Variants in SEC14L6 observed in about 807,000 individuals in gnomAD.
SEC14L6 encodes the protein SEC14-like protein 6.
SEC14L6 carries 40 observed loss-of-function variants against 54.1 expected under a neutral mutation model. That is an observed-to-expected ratio of 0.74 (90% CI 0.57 to 0.96). SEC14L6 has a LOEUF of 0.96. Ranked by LOEUF, SEC14L6 falls within the 40% of genes least tolerant of loss-of-function variation. The pLI is 0.00. For synonymous variants in SEC14L6, 171 were observed against 198.4 expected (o/e 0.86, Z 1.16); for missense variants, 471 against 498.3 (o/e 0.95, Z 0.52).
chr22:30,537,571 G>A (rs954602231), intron 2 of SEC14L6, among the ~76,000 whole-genome samples: 1 of 152,200 alleles, frequency 6.6e-6, no homozygotes, highest in Non-Finnish European at 1.5e-5. Context: ...GTGAGCTGAT[G>A]TCAGCCTGGG....
intron 6 of SEC14L6, among the ~76,000 whole-genome samples, chr22:30,529,709 G>T (rs1936906240): frequency 6.6e-6 from 1 of 152,224 alleles, no homozygotes; most frequent in African/African-American, 2.4e-5. Context: ...CTCCCAAGGT[G>T]CTGGGATTAC....
rs1185134780 is a variant in SEC14L6, at chr22:30,524,177, A to T, written c.*820T>A. ...TCCTTCCTGCAGAAACCATCATAAA[A>T]GTAAAGTTGCTTTGTCCAGAGTTTT... is the stretch of plus-strand genomic sequence containing the variant. On this transcript the variant is annotated 3_prime_UTR_variant, in exon 12 of 12. Coordinates refer to ENST00000402034, the MANE Select transcript of SEC14L6 (RefSeq NM_001193336.4). 1 of 152,186 alleles carries T rather than the reference A, an allele frequency of 6.6e-6. No individual in the cohort carries two copies. The highest frequency in any genetic ancestry group is 2.4e-5 in the African/African-American group (1 of 41,446). The allele number at this position is 152,186 out of a possible 1,614,324, so 9.4% of individuals were successfully genotyped here. A position where few individuals can be genotyped will look rare whatever the true frequency, so the allele number is the denominator to read the frequency against.
Position 30,532,492 on chromosome 22 carries a change from C to T in SEC14L6, c.423+33G>A, listed in dbSNP as rs565164447. ...GCTCAGGGGGTGAGGGTGCTGTGTC[C>T]GGCTGCAGCTGCCCAGGGTGGCACC... On this transcript the variant is annotated intron_variant, in intron 5 of 11. Coordinates refer to ENST00000402034, the MANE Select transcript of SEC14L6 (RefSeq NM_001193336.4). 3.6e-5 allele frequency: 55 copies of T among 1,522,176 alleles called. No homozygotes were observed. In the Middle Eastern group the frequency reaches 6.9e-4, roughly 19 times the overall value. The allele number at this position is 1,522,176 out of a possible 1,614,324, so 94.3% of individuals were successfully genotyped here. A position where few individuals can be genotyped will look rare whatever the true frequency, so the allele number is the denominator to read the frequency against.
chr22:30,529,278 G>C lies in SEC14L6; in HGVS notation c.580+11C>G. ...CCCCAACTCATGCATATCCTGGGCTGCTTTACTCACCTCTCACAACAATTA... is the reference window on the plus strand; with the variant it reads ...CCCCAACTCATGCATATCCTGGGCTCCTTTACTCACCTCTCACAACAATTA... On this transcript the variant is annotated intron_variant, in intron 7 of 11. Transcript: ENST00000402034. 6.5e-7 allele frequency: 1 copy of C among 1,550,162 alleles called. No homozygotes were observed. The highest frequency in any genetic ancestry group is 8.7e-7 in the Non-Finnish European group (1 of 1,146,606).
At chr22:30,544,172 C>G in intron 1 of SEC14L6, 1 of 954,762 alleles carries the variant, frequency 1.0e-6, no homozygotes, top group Non-Finnish European at 1.6e-6. Context: ...AGCCCAGTTC[C>G]CGGAGGGCTG....
At chr22:30,544,137 A>G (rs2146306210) in intron 1 of SEC14L6, 1 of 1,228,766 alleles carries the variant, frequency 8.1e-7, no homozygotes, top group Admixed American at 1.9e-5. Context: ...TTGTCCCACA[A>G]GGAGCCGCCA....
In SEC14L6 at chr22:30,546,673, G is replaced by C; in HGVS notation, c.10C>G (p.Gln4Glu). MSG[Q>E]VGDLSPSQEK... ...TGCGATGGGCTCAGGTCACCCACTT[G>C]TCCACTCATGCTGCCCATGAATGGG... Residue 4 changes from glutamine (Q) to glutamate (E), a missense_variant, in exon 1 of 12, where the codon CAA becomes GAA. Coordinates refer to ENST00000402034, the MANE Select transcript of SEC14L6 (RefSeq NM_001193336.4). The C allele has an allele frequency of 6.4e-7, 1 of 1,550,464 alleles. No individual in the cohort carries two copies. Among genetic ancestry groups the C allele is most frequent in the Non-Finnish European group, 8.7e-7 (1 of 1,146,958 alleles).
chr22:30,534,109 G>T, intron 2 of SEC14L6, 70 bp from the exon 3 acceptor site: 1 of 1,451,562 alleles, frequency 6.9e-7, no homozygotes. Context: ...AGAGACAACG[G>T]CCCTGCCCCA....
In SEC14L6 at chr22:30,524,782, G is replaced by C; in HGVS notation, c.*215C>G. 1.9e-6 allele frequency: 1 copy of C among 514,172 alleles called. No homozygotes were observed. 31.9% of individuals were successfully genotyped at this position (514,172 alleles called of 1,614,324 possible). A position where few individuals can be genotyped will look rare whatever the true frequency, so the allele number is the denominator to read the frequency against. ...GTCACAGCAGGTCATAGTGGGGATGGAGTGTCTGTGTTGCTTTGCTGTGAC... is the reference window on the plus strand; with the variant it reads ...GTCACAGCAGGTCATAGTGGGGATGCAGTGTCTGTGTTGCTTTGCTGTGAC... On this transcript the variant is annotated 3_prime_UTR_variant, in exon 12 of 12. Transcript: ENST00000402034.
chr22:30,525,107 C>A lies in SEC14L6; in HGVS notation c.1084G>T (p.Val362Phe), dbSNP rs866036817. 43 of 1,524,308 alleles carry A rather than the reference C, an allele frequency of 2.8e-5. No individual in the cohort carries two copies. Among genetic ancestry groups the A allele is most frequent in the Middle Eastern group, 3.4e-4 (2 of 5,944 alleles). 94.4% of individuals were successfully genotyped at this position (1,524,308 alleles called of 1,614,324 possible). Residue 362 changes from valine to phenylalanine, a missense_variant and splice_region_variant, in exon 12 of 12, where the codon GTC (valine) becomes TTC (phenylalanine). Coordinates refer to ENST00000402034, the MANE Select transcript of SEC14L6 (RefSeq NM_001193336.4). ...ILTCLQAGSY[V>F]LRFYNTYSLV... ...CTGTAGGTGTTGTAAAACCTCAGGA[C>A]ATCTGCAGTGAGGGACAGACATTCA...
rs780656771 is a variant in SEC14L6, at chr22:30,546,651, G to A, written c.32C>T (p.Ser11Leu). The A allele has an allele frequency of 1.6e-5, 25 of 1,550,440 alleles. No homozygotes were observed. The highest frequency in any genetic ancestry group is 3.6e-5 in the South Asian group (3 of 84,054). ...CACCTGGGCCAGCGACTTCTCCTGC[G>A]ATGGGCTCAGGTCACCCACTTGTCC... Reference protein sequence around the residue: MSGQVGDLSPSQEKSLAQFRE... With the variant: MSGQVGDLSPLQEKSLAQFRE... Residue 11 changes from serine (S) to leucine (L), a missense_variant, in exon 1 of 12, where the codon TCG becomes TTG. Ser to Leu is a moderately radical substitution (Grantham distance 145). Coordinates refer to ENST00000402034, the MANE Select transcript of SEC14L6 (RefSeq NM_001193336.4).
chr22:30,525,437 C>T lies in SEC14L6; in HGVS notation c.994G>A (p.Glu332Lys). 1 of 1,614,204 alleles carries T rather than the reference C, an allele frequency of 6.2e-7. No homozygotes were observed. The highest frequency in any genetic ancestry group is 8.5e-7 in the Non-Finnish European group (1 of 1,180,032). The change falls in exon 11 of 12, where the codon GAG becomes AAG. Residue 332 changes from glutamate (E) to lysine (K), a missense_variant. Coordinates refer to ENST00000402034, the MANE Select transcript of SEC14L6 (RefSeq NM_001193336.4). ...TGGCTGGGCAGCACCTCTGTCATCT[C>T]CCTAGCCCTCTGCCGCTCCCCCATC... ...TKMGERQRAR[E>K]MTEVLPSQRY...
intron 6 of SEC14L6, among the ~76,000 whole-genome samples, chr22:30,529,993 T>G (rs1936916375): frequency 6.6e-6 from 1 of 152,188 alleles, no homozygotes; most frequent in Non-Finnish European, 1.5e-5. Context: ...AGTAAAACAT[T>G]CTTGCCAAGA....
At chr22:30,531,326 G>A (rs979865435) in intron 6 of SEC14L6, among the ~76,000 whole-genome samples, 6 of 151,862 alleles carry the variant, frequency 4.0e-5, no homozygotes, top group African/African-American at 1.5e-4. Context: ...AGAGTTGCTT[G>A]AACCTGGCAG....
Position 30,522,891 on chromosome 22 carries a change from C to T in SEC14L6, c.*2106G>A, listed in dbSNP as rs190480130. 6.6e-6 allele frequency: 1 copy of T among 152,188 alleles called. No individual in the cohort carries two copies. The highest frequency in any genetic ancestry group is 1.5e-5 in the Non-Finnish European group (1 of 68,038). 9.4% of individuals were successfully genotyped at this position (152,188 alleles called of 1,614,324 possible). A position where few individuals can be genotyped will look rare whatever the true frequency, so the allele number is the denominator to read the frequency against. On this transcript the variant is annotated 3_prime_UTR_variant, in exon 12 of 12. Coordinates refer to ENST00000402034, the MANE Select transcript of SEC14L6 (RefSeq NM_001193336.4). ...AAGGGATAAACACAGTGTGGTCCATCCATACAGTGGTATATTACTCAGCAA... is the reference window on the plus strand; with the variant it reads ...AAGGGATAAACACAGTGTGGTCCATTCATACAGTGGTATATTACTCAGCAA...
chr22:30,525,187 G>A, intron 11 of SEC14L6, 78 bp from the exon 12 acceptor site: 1 of 1,266,812 alleles, frequency 7.9e-7, no homozygotes, highest in South Asian at 1.3e-5. Flanking sequence ...CTCTGCGTGG[G>A]TACCCAGACC....
chr22:30,528,422 C>CTTTTTTTTTTTTTTTTTT lies in SEC14L6; in HGVS notation c.664+647_664+664dup, dbSNP rs375073961. 3.3e-3 allele frequency among the ~76,000 whole-genome samples: 346 copies of CTTTTTTTTTTTTTTTTTT among 105,462 alleles called. 14 individuals are homozygous for CTTTTTTTTTTTTTTTTTT. The highest frequency in any genetic ancestry group is 4.9e-3 in the Non-Finnish European group (264 of 53,722). The allele number at this position is 105,462 out of a possible 152,430, so 69.2% of individuals were successfully genotyped here. ...AGGCGTGAACCACCGCGCTCGGCCT[C>CTTTTTTTTTTTTTTTTTT]TTTTTTTTTTTTTTTTTTTGAGATA... is the stretch of plus-strand genomic sequence containing the variant. On this transcript the variant is annotated intron_variant, in intron 8 of 11. Transcript: ENST00000402034.
Position 30,523,854 on chromosome 22 carries a change from C to T in SEC14L6, c.*1143G>A, listed in dbSNP as rs756887906. ...CTGCTTGTTAGGGAACTATTTGAAC[C>T]ATGTCTTTTATTTTCTGCATGCTTT... On this transcript the variant is annotated 3_prime_UTR_variant, in exon 12 of 12. Transcript: ENST00000402034. 6.6e-6 allele frequency: 1 copy of T among 152,180 alleles called. No individual in the cohort carries two copies. The highest frequency in any genetic ancestry group is 1.5e-5 in the Non-Finnish European group (1 of 68,030). 9.4% of individuals were successfully genotyped at this position (152,180 alleles called of 1,614,324 possible).
Position 30,524,986 on chromosome 22 carries a change from A to G in SEC14L6, c.*11T>C. 2 of 1,360,344 alleles carry G rather than the reference A, an allele frequency of 1.5e-6. No homozygotes were observed. The highest frequency in any genetic ancestry group is 2.1e-6 in the Non-Finnish European group (2 of 973,442). The allele number at this position is 1,360,344 out of a possible 1,614,324, so 84.3% of individuals were successfully genotyped here. On this transcript the variant is annotated 3_prime_UTR_variant, in exon 12 of 12. Coordinates refer to ENST00000402034, the MANE Select transcript of SEC14L6 (RefSeq NM_001193336.4). ...GATCAAAGAGGAGGGTGTGGGGACC[A>G]TGAGGTTCACCTAGAATTTCTCCAT...
Sources: gnomAD v4.1 joint callset for allele counts (sites outside exome capture counted in the v4.1 genomes callset) on GRCh38, gnomAD v4.1.1 for gene constraint, MANE v1.5 for transcripts, NCBI Gene and HGNC (gene_info 2026-07-23, HGNC 2026-07-21) for gene names.